Variants in AFF3 observed in about 807,000 individuals in gnomAD.
The protein encoded by AFF3 is ALF transcription elongation factor 3.
In AFF3, 32 loss-of-function variants were observed where a neutral mutation model predicts 129.7. The observed-to-expected ratio is 0.25, with a 90% CI of 0.19 to 0.33. The LOEUF (loss-of-function observed/expected upper bound fraction) is 0.33. AFF3 is among the 10% of genes least tolerant of loss of function. The pLI is 1.00. For synonymous variants in AFF3, 644 were observed against 635.4 expected, an observed-to-expected ratio of 1.01 and a Z score of -0.20; for missense variants, 1,373 against 1,592.0, an observed-to-expected ratio of 0.86 and a Z score of 2.34.
intron 8 of AFF3, among the ~76,000 whole-genome samples, chr2:99,835,475 A>C (rs960169152): frequency 4.6e-5 from 7 of 152,094 alleles, no homozygotes; most frequent in Admixed American, 2.0e-4. Flanking sequence ...GAGAATGACT[A>C]ATGTCAGTGA....
intron 7 of AFF3, among the ~76,000 whole-genome samples, chr2:99,848,010 G>A (rs968453157): frequency 3.9e-5 from 6 of 152,088 alleles, no homozygotes; most frequent in African/African-American, 7.2e-5. Context: ...GGCTGGGTGC[G>A]GTGGCTCATG....
intron 13 of AFF3, among the ~76,000 whole-genome samples, chr2:99,610,667 G>A (rs781097581): frequency 1.3e-5 from 2 of 152,130 alleles, no homozygotes; most frequent in African/African-American, 4.8e-5. Context: ...AGGTTTTTAT[G>A]TGGATGTAAA....
At position 99,675,407 on chromosome 2, in the gene AFF3, C is replaced by T. The variant is rs946910602; in HGVS notation, c.1092-2818G>A. Among the ~76,000 whole-genome samples, 44 of 152,134 alleles carry T rather than the reference C, an allele frequency of 2.9e-4. 1 individual carries two copies. Among genetic ancestry groups the T allele is most frequent in the African/African-American group, 9.7e-4 (40 of 41,422 alleles). ...CTGGGAGAGACGACCACGGCCATAC[C>T]GCATCCCAGCCCCGACAGGCACAGA... On this transcript the variant is annotated intron_variant, in intron 11 of 24. Transcript: ENST00000672756.
At chr2:99,986,197 T>C (rs62149303) in intron 7 of AFF3, among the ~76,000 whole-genome samples, 15,664 of 130,260 alleles carry the variant, frequency 0.12, 1,158 homozygotes, top group Non-Finnish European at 0.16. Context: ...CGAGACTTCA[T>C]CTCAAATAAT....
intron 8 of AFF3, among the ~76,000 whole-genome samples, chr2:99,777,558 T>C (rs13419977): frequency 0.13 from 19,526 of 152,064 alleles, 2,668 homozygotes; most frequent in African/African-American, 0.35. Context: ...ATGTCCTTAG[T>C]TGGGTTGGGT....
chr2:99,560,288 A>G (rs1675351007), intron 21 of AFF3, 77 bp downstream of exon 21: 5 of 1,465,460 alleles, frequency 3.4e-6, no homozygotes, highest in East Asian at 2.3e-5. Context: ...GGCAAACACT[A>G]TGCCTTTCAG....
rs182167786 is a variant in AFF3, at chr2:99,730,617, C to T, written c.1040-3489G>A. On this transcript the variant is annotated intron_variant, in intron 10 of 24. Transcript: ENST00000672756. ...CAACCTCTGCCTCCTGGGTTCAAAGCGATTCTCCTGCCTCAGCCTCCCGAG... is the reference window on the plus strand; with the variant it reads ...CAACCTCTGCCTCCTGGGTTCAAAGTGATTCTCCTGCCTCAGCCTCCCGAG... 4.9e-3 allele frequency among the ~76,000 whole-genome samples: 733 copies of T among 150,722 alleles called. 1 individual carries two copies. The highest frequency in any genetic ancestry group is 0.017 in the African/African-American group (703 of 40,968).
At chr2:99,589,397 ATTTTTTTTTTTT>A (rs55888825) in intron 15 of AFF3, among the ~76,000 whole-genome samples, 13 of 103,384 alleles carry the variant, frequency 1.3e-4, no homozygotes, top group African/African-American at 4.6e-4. Context: ...AGATGTCAAC[ATTTTTTTTTTTT>A]TTTTTTTTTT....
chr2:99,910,030 T>C (rs1273519822), intron 7 of AFF3, among the ~76,000 whole-genome samples: 1 of 152,082 alleles, frequency 6.6e-6, no homozygotes, highest in Non-Finnish European at 1.5e-5. Flanking sequence ...TAAAAATAAA[T>C]AAATAAATAA....
intron 4 of AFF3, among the ~76,000 whole-genome samples, chr2:100,036,150 A>C (rs1684885525): frequency 6.6e-6 from 1 of 150,554 alleles, no homozygotes; most frequent in East Asian, 1.9e-4. Context: ...AAAAAAAAAA[A>C]AAAAAAAAAA....
intron 4 of AFF3, among the ~76,000 whole-genome samples, chr2:100,035,107 A>C (rs911883536): frequency 1.3e-5 from 2 of 152,198 alleles, no homozygotes; most frequent in African/African-American, 4.8e-5. Context: ...TGCTATGGCT[A>C]CAATCAACTG....
chr2:99,806,919 C>T (rs536755540), intron 8 of AFF3, among the ~76,000 whole-genome samples: 19 of 152,218 alleles, frequency 1.2e-4, no homozygotes, highest in Middle Eastern at 3.4e-3. Context: ...AAGAGACATA[C>T]TCCTGGAATG....
intron 12 of AFF3, among the ~76,000 whole-genome samples, chr2:99,670,238 T>C (rs1052972434): frequency 2.7e-5 from 4 of 150,718 alleles, no homozygotes; most frequent in African/African-American, 1.0e-4. Flanking sequence ...GATAGGAGTG[T>C]TCAAAAGCAT....
At chr2:99,848,356 G>GAATGC (rs1353232215) in intron 7 of AFF3, among the ~76,000 whole-genome samples, 1 of 152,204 alleles carries the variant, frequency 6.6e-6, no homozygotes, top group Non-Finnish European at 1.5e-5. Flanking sequence ...TATCTGGACA[G>GAATGC]AATGCAGATA....
chr2:99,799,589 T>C (rs919412154), intron 8 of AFF3, among the ~76,000 whole-genome samples: 6 of 152,092 alleles, frequency 3.9e-5, no homozygotes, highest in African/African-American at 1.4e-4. Context: ...AAAATCCTAA[T>C]AGGCTTTTTA....
rs55672296 is a variant in AFF3 at position 99,946,473 on chromosome 2, T to TAAAAAAAAAAAAAAA, written c.873+60144_873+60158dup. 9.9e-5 allele frequency among the ~76,000 whole-genome samples: 5 copies of TAAAAAAAAAAAAAAA among 50,502 alleles called. 1 individual carries two copies. Among genetic ancestry groups the TAAAAAAAAAAAAAAA allele is most frequent in the African/African-American group, 8.9e-5 (1 of 11,200 alleles). The allele number at this position is 50,502 out of a possible 152,430, so 33.1% of individuals were successfully genotyped here. ...TGGTTGACAGAGTGAGACGCCATCT[T>TAAAAAAAAAAAAAAA]AAAAAAAAAAAAAAAAAAAAAAAAA... On this transcript the variant is annotated intron_variant, in intron 7 of 24. Coordinates refer to ENST00000672756, the MANE Select transcript of AFF3 (RefSeq NM_001386135.1).
chr2:100,054,272 G>A lies in AFF3; in HGVS notation c.54-45340C>T, dbSNP rs574277744. On this transcript the variant is annotated intron_variant, in intron 4 of 24. Coordinates refer to ENST00000672756, the MANE Select transcript of AFF3 (RefSeq NM_001386135.1). ...GGAAGTTGCATTAGATGGATTTTCT[G>A]TGTCATCTTGCTTGGGCCATGGGGT... Among the ~76,000 whole-genome samples, 3 of 152,288 alleles carry A rather than the reference G, an allele frequency of 2.0e-5. No individual in the cohort carries two copies. The East Asian group carries it at 5.8e-4, about 29-fold the overall frequency.
chr2:99,831,067 G>A (rs961113601), intron 8 of AFF3, among the ~76,000 whole-genome samples: 2 of 152,174 alleles, frequency 1.3e-5, no homozygotes, highest in Admixed American at 1.3e-4. Context: ...CACATCTTTG[G>A]GATGTGAGAG....
At chr2:99,556,441 CAA>C (rs545096704) in intron 22 of AFF3, among the ~76,000 whole-genome samples, 6 of 149,472 alleles carry the variant, frequency 4.0e-5, no homozygotes, top group Non-Finnish European at 8.9e-5. Flanking sequence ...GACTCCGTCT[CAA>C]AAAAAAACAA....
Sources: allele counts gnomAD v4.1 joint callset (sites outside exome capture counted in the v4.1 genomes callset), GRCh38; gene constraint gnomAD v4.1.1; transcripts MANE v1.5; gene names NCBI Gene and HGNC (gene_info 2026-07-23, HGNC 2026-07-21).